The following NTM variants were observed in gnomAD, a reference collection of about 807,000 sequenced individuals.
The protein encoded by NTM is IgLON family member 2.
Under a neutral mutation model 42.1 loss-of-function variants are expected in NTM, and 13 were observed. The observed-to-expected ratio is 0.31, with a 90% CI of 0.20 to 0.49. The LOEUF is 0.49. NTM is among the 20% of genes least tolerant of loss of function. The pLI is 0.99. For missense variants in NTM, 373 were observed against 452.8 expected (o/e 0.82, Z 1.60); for synonymous variants, 187 against 179.2 (o/e 1.04, Z -0.35).
intron 1 of NTM, among the ~76,000 whole-genome samples, chr11:131,617,147 C>T (rs1470478142): frequency 6.6e-6 from 1 of 151,970 alleles, no homozygotes; most frequent in African/African-American, 2.4e-5. Context: ...AGGGTTCCCT[C>T]GGTCCTTCTC....
intron 2 of NTM, among the ~76,000 whole-genome samples, chr11:131,962,677 T>C (rs2062351185): frequency 6.6e-6 from 1 of 152,196 alleles, no homozygotes; most frequent in Non-Finnish European, 1.5e-5. Context: ...AAGACACTAA[T>C]GTTTGCAATC....
chr11:132,070,028 C>A (rs192995758), intron 2 of NTM, among the ~76,000 whole-genome samples: 1 of 140,728 alleles, frequency 7.1e-6, no homozygotes, highest in Non-Finnish European at 1.5e-5. Context: ...GTTAACACGT[C>A]AAACTGACCG....
intron 1 of NTM, among the ~76,000 whole-genome samples, chr11:131,549,097 A>C (rs2054311309): frequency 6.6e-6 from 1 of 152,210 alleles, no homozygotes. Flanking sequence ...TACACTTTTT[A>C]GTTCCCCACA....
At chr11:132,244,700 T>C (rs766558038) in intron 4 of NTM, among the ~76,000 whole-genome samples, 1 of 152,190 alleles carries the variant, frequency 6.6e-6, no homozygotes, top group Non-Finnish European at 1.5e-5. Context: ...ATAGGAGCTA[T>C]TCACAACGCA....
intron 2 of NTM, among the ~76,000 whole-genome samples, chr11:132,118,994 G>C (rs937066998): frequency 6.6e-6 from 1 of 152,152 alleles, no homozygotes; most frequent in Non-Finnish European, 1.5e-5. Flanking sequence ...TCTCCCCCCA[G>C]CCTGCCACAT....
At chr11:131,385,975 A>G (rs1397427573) in intron 1 of NTM, among the ~76,000 whole-genome samples, 1 of 152,258 alleles carries the variant, frequency 6.6e-6, no homozygotes, top group Non-Finnish European at 1.5e-5. Context: ...TCCTGGGTAT[A>G]TATTCAACAG....
intron 1 of NTM, among the ~76,000 whole-genome samples, chr11:131,643,791 T>C (rs772103883): frequency 6.6e-5 from 10 of 151,268 alleles, no homozygotes; most frequent in Non-Finnish European, 1.2e-4. Context: ...GGTCACAGAA[T>C]ACAGGGCCAG....
chr11:131,681,421 G>A (rs61720570), intron 1 of NTM, among the ~76,000 whole-genome samples: 460 of 8,936 alleles, frequency 0.051, 31 homozygotes, highest in African/African-American at 0.13. Flanking sequence ...GTGTGTGAGC[G>A]TGTGTGTTTC....
At chr11:132,306,512 G>A (rs1210450289) in intron 4 of NTM, 1 of 152,186 alleles carries the variant, frequency 6.6e-6, no homozygotes, top group Non-Finnish European at 1.5e-5. Flanking sequence ...GTGCATGTGT[G>A]TGTGTGAGTG....
At chr11:132,301,442 C>A (rs2094852038) in intron 4 of NTM, among the ~76,000 whole-genome samples, 1 of 152,202 alleles carries the variant, frequency 6.6e-6, no homozygotes, top group Non-Finnish European at 1.5e-5. Context: ...TCCTTTCTGG[C>A]CAAGCCCACT....
At chr11:132,322,155 C>G (rs374498366) in intron 7 of NTM, among the ~76,000 whole-genome samples, 3 of 151,716 alleles carry the variant, frequency 2.0e-5, no homozygotes, top group Non-Finnish European at 4.4e-5. Flanking sequence ...ATCATAATGA[C>G]AGGATCAAAT....
intron 2 of NTM, among the ~76,000 whole-genome samples, chr11:131,947,454 C>A (rs1237868022): frequency 6.6e-6 from 1 of 152,160 alleles, no homozygotes; most frequent in African/African-American, 2.4e-5. Flanking sequence ...GACTGTCTTC[C>A]TGTCTTTATG....
Position 131,667,567 on chromosome 11 carries a change from C to T in NTM, c.83-243997C>T, listed in dbSNP as rs151147920. 2.6e-5 allele frequency among the ~76,000 whole-genome samples: 4 copies of T among 152,266 alleles called. No homozygotes were observed. In the East Asian group the frequency reaches 7.7e-4, roughly 29 times the overall value. On this transcript the variant is annotated intron_variant, in intron 1 of 8. Transcript: ENST00000683400. ...CCTTCTTTTGCCCCCAGTGAGCTTC[C>T]CAGAACCTGGAACCATGTGAGTACT...
chr11:132,007,178 A>G (rs1421170624), intron 2 of NTM, among the ~76,000 whole-genome samples: 1 of 152,246 alleles, frequency 6.6e-6, no homozygotes, highest in Non-Finnish European at 1.5e-5. Flanking sequence ...CGATTTCGGC[A>G]TAACCTACTT....
intron 2 of NTM, among the ~76,000 whole-genome samples, chr11:132,039,402 A>T (rs981158278): frequency 3.8e-4 from 56 of 148,346 alleles, no homozygotes; most frequent in African/African-American, 1.4e-3. Flanking sequence ...CTGTGCTAGG[A>T]AGGCCCCTCA....
chr11:131,513,622 G>A (rs402055), intron 1 of NTM, among the ~76,000 whole-genome samples: 22,850 of 152,164 alleles, frequency 0.15, 1,919 homozygotes, highest in Middle Eastern at 0.22. Context: ...ATATGAAAGC[G>A]CTTTGAACTT....
At chr11:132,288,838 C>G (rs2139968337) in intron 4 of NTM, among the ~76,000 whole-genome samples, 1 of 152,288 alleles carries the variant, frequency 6.6e-6, no homozygotes, top group Non-Finnish European at 1.5e-5. Context: ...CCAGGCTGGT[C>G]TTGAACTCCT....
intron 1 of NTM, among the ~76,000 whole-genome samples, chr11:131,726,373 G>T (rs1176522638): frequency 6.9e-6 from 1 of 144,904 alleles, no homozygotes; most frequent in Admixed American, 6.7e-5. Flanking sequence ...TGGTCCACTT[G>T]CTTCCTCTGT....
intron 2 of NTM, among the ~76,000 whole-genome samples, chr11:132,126,147 C>T (rs865882362): frequency 7.9e-5 from 12 of 152,086 alleles, no homozygotes; most frequent in African/African-American, 1.7e-4. Context: ...CAAACAGCTC[C>T]GAGCCAGAGG....
Sources: allele counts gnomAD v4.1 joint callset (sites outside exome capture counted in the v4.1 genomes callset), GRCh38; gene constraint gnomAD v4.1.1; transcripts MANE v1.5; gene names NCBI Gene and HGNC (gene_info 2026-07-23, HGNC 2026-07-21).